ZNF208: variants seen among roughly 807,000 people sequenced by gnomAD.
ZNF208 encodes zinc finger protein 208, also known as zinc finger protein 95.
ZNF208 carries 10 observed loss-of-function variants against 12.1 expected under a neutral mutation model. The observed-to-expected ratio is 0.83, with a 90% CI of 0.51 to 1.40. The LOEUF (loss-of-function observed/expected upper bound fraction) is 1.40, where lower values mean the gene tolerates loss of function less well. ZNF208 is among the 40% of genes most tolerant of loss of function. The probability of loss-of-function intolerance (pLI) is 0.00; values close to 1 mark genes in which losing one functional copy is unlikely to be tolerated. For synonymous variants in ZNF208, 497 were observed against 488.4 expected, an observed-to-expected ratio of 1.02 and a Z score of -0.23; for missense variants, 1,652 against 1,485.0, an observed-to-expected ratio of 1.11 and a Z score of -1.85.
At chr19:21,987,180 C>T (rs1267361630) in intron 3 of ZNF208, 36 bp downstream of exon 3, 2 of 1,590,088 alleles carry the variant, frequency 1.3e-6, no homozygotes, top group African/African-American at 1.4e-5. Flanking sequence ...GACTTTCGAC[C>T]TCTCATCCAT....
At chr19:21,991,499 G>C (rs1356695237) in intron 1 of ZNF208, 1 of 151,870 alleles carries the variant, frequency 6.6e-6, no homozygotes, top group African/African-American at 2.4e-5. Flanking sequence ...CTAGCACTTT[G>C]GGAGGCTGAG....
chr19:22,000,896 C>A (rs1970933547), intron 1 of ZNF208, among the ~76,000 whole-genome samples: 1 of 152,126 alleles, frequency 6.6e-6, no homozygotes, highest in Non-Finnish European at 1.5e-5. Flanking sequence ...ATACTGAAGT[C>A]TGCTATGCAT....
intron 4 of ZNF208, chr19:21,941,476 C>T: frequency 2.5e-6 from 1 of 398,504 alleles, no homozygotes; most frequent in Non-Finnish European, 4.4e-6. Flanking sequence ...ACAACTGCAC[C>T]ATTTCCTGTT....
rs1264013760 is a variant in ZNF208 at position 21,966,965 on chromosome 19, C to T, written c.*4226G>A. ...TATTAAATGTATTATAGATTCTGTA[C>T]ATTAATCCTTCATTGTCTGCAGTTT... On this transcript the variant is annotated 3_prime_UTR_variant, in exon 4 of 4. Transcript: ENST00000397126. 2.0e-5 allele frequency: 3 copies of T among 152,098 alleles called. No homozygotes were observed. Among genetic ancestry groups the T allele is most frequent in the African/African-American group, 4.8e-5 (2 of 41,418 alleles). The allele number at this position is 152,098 out of a possible 1,614,324, so 9.4% of individuals were successfully genotyped here.
chr19:21,971,737 G>C lies in ZNF208; in HGVS notation c.3297C>G (p.Asn1099Lys), dbSNP rs1263049600. Reference protein sequence around the residue: ...ECGKAFNWSSNLMEHKRIHTG... With the variant: ...ECGKAFNWSSKLMEHKRIHTG... ...TATGAATTCTCTTATGTTCCATAAG[G>C]TTTGAGGACCAGTTGAAAGCTTTGC... Residue 1099 changes from asparagine (N) to lysine (K), a missense_variant, in exon 4 of 4, where the codon AAC (asparagine) becomes AAG (lysine). By Grantham distance (94) the Asn-to-Lys change is moderately conservative. Transcript: ENST00000397126. 6.2e-7 allele frequency: 1 copy of C among 1,613,680 alleles called. No individual in the cohort carries two copies. Among genetic ancestry groups the C allele is most frequent in the African/African-American group, 1.3e-5 (1 of 74,868 alleles).
At chr19:21,985,439 A>C (rs1246892535) in intron 3 of ZNF208, among the ~76,000 whole-genome samples, 1 of 152,212 alleles carries the variant, frequency 6.6e-6, no homozygotes, top group Non-Finnish European at 1.5e-5. Context: ...GAGAGCTTTG[A>C]GATCCAGGGA....
chr19:22,005,886 AG>A (rs1971035654), intron 1 of ZNF208, among the ~76,000 whole-genome samples: 2 of 152,186 alleles, frequency 1.3e-5, no homozygotes, highest in South Asian at 2.1e-4. Flanking sequence ...TGTGTTCTCC[AG>A]GAACACTTAT....
At chr19:21,975,823 C>CAAAAAAA (rs532995268) in intron 3 of ZNF208, among the ~76,000 whole-genome samples, 7 of 26,432 alleles carry the variant, frequency 2.6e-4, no homozygotes, top group East Asian at 1.9e-3. Flanking sequence ...AGTCAAAGTC[C>CAAAAAAA]AAAAAAAAAA....
chr19:21,983,062 C>T (rs1428508380), intron 3 of ZNF208, among the ~76,000 whole-genome samples: 2 of 152,090 alleles, frequency 1.3e-5, no homozygotes, highest in Non-Finnish European at 2.9e-5. Flanking sequence ...AAACTATCAT[C>T]AGAGTGAACA....
intron 1 of ZNF208, among the ~76,000 whole-genome samples, chr19:22,010,443 G>T (rs376715077): frequency 1.5e-3 from 232 of 152,272 alleles, no homozygotes; most frequent in African/African-American, 5.4e-3. Flanking sequence ...ACGGACCAAA[G>T]CTCTTCCCAT....
At position 21,969,725 on chromosome 19, in the gene ZNF208, G is replaced by A. The variant is rs2359810; in HGVS notation, c.*1466C>T. On this transcript the variant is annotated 3_prime_UTR_variant, in exon 4 of 4. Coordinates refer to ENST00000397126, the MANE Select transcript of ZNF208 (RefSeq NM_007153.3). Reference sequence around the variant, plus strand: ...GTGTACAATAAAATCTGTGATACAAGTACATGTACTACAACCCTCTTAATA... The same window carrying A: ...GTGTACAATAAAATCTGTGATACAAATACATGTACTACAACCCTCTTAATA... Among the ~76,000 whole-genome samples, 88,813 of 151,866 alleles carry A rather than the reference G, an allele frequency of 0.58. 26,228 individuals are homozygous for A. Among genetic ancestry groups the A allele is most frequent in the East Asian group, 0.69 (3,566 of 5,154 alleles).
At chr19:22,008,164 G>A (rs1398497411) in intron 1 of ZNF208, among the ~76,000 whole-genome samples, 6 of 151,556 alleles carry the variant, frequency 4.0e-5, no homozygotes, top group East Asian at 3.9e-4. Context: ...TTAGCCGGGT[G>A]TGGTGGTGCA....
intron 4 of ZNF208, among the ~76,000 whole-genome samples, chr19:21,953,766 T>C (rs560519286): frequency 1.8e-3 from 275 of 151,702 alleles, no homozygotes; most frequent in Non-Finnish European, 2.8e-3. Flanking sequence ...GCAATTTTGT[T>C]GATCTTTTCA....
intron 3 of ZNF208, among the ~76,000 whole-genome samples, chr19:21,985,199 T>C (rs1568450084): frequency 6.6e-6 from 1 of 152,116 alleles, no homozygotes; most frequent in African/African-American, 2.4e-5. Flanking sequence ...TTTAAACTCT[T>C]AGAAACAGAT....
At chr19:22,000,186 A>C (rs1970919066) in intron 1 of ZNF208, among the ~76,000 whole-genome samples, 1 of 152,210 alleles carries the variant, frequency 6.6e-6, no homozygotes, top group South Asian at 2.1e-4. Flanking sequence ...TACGACTTGA[A>C]CTCAACACTT....
chr19:21,956,141 G>T (rs1568435793), intron 4 of ZNF208, among the ~76,000 whole-genome samples: 2 of 152,216 alleles, frequency 1.3e-5, no homozygotes, highest in Non-Finnish European at 2.9e-5. Context: ...AGCGGAGGCT[G>T]CAGAACAGCA....
At position 21,990,917 on chromosome 19, in the gene ZNF208, G is replaced by GGT. The variant is rs556544405; in HGVS notation, c.4-2010_4-2009dup. On this transcript the variant is annotated intron_variant, in intron 1 of 3. Coordinates refer to ENST00000397126, the MANE Select transcript of ZNF208 (RefSeq NM_007153.3). ...TTTGGCTCTCTGTTTGTCTGTTATT[G>GGT]GTGTATAAGAATGCTTGTGATTTTT... Among the ~76,000 whole-genome samples the GGT allele has an allele frequency of 1.1e-4, 16 of 152,198 alleles. 1 individual carries two copies. In the South Asian group the frequency reaches 3.1e-3, roughly 30 times the overall value.
intron 4 of ZNF208, among the ~76,000 whole-genome samples, chr19:21,950,066 T>A (rs2666447): frequency 0.78 from 118,562 of 152,190 alleles, 46,921 homozygotes; most frequent in African/African-American, 0.92. Flanking sequence ...TGGTAAAAGA[T>A]ATAAGAAGAA....
In ZNF208 at chr19:21,970,578, G is replaced by A. The variant is rs1172649599; in HGVS notation, c.*613C>T. 5 of 773,050 alleles carry A rather than the reference G, an allele frequency of 6.5e-6. No homozygotes were observed. The highest frequency in any genetic ancestry group is 1.1e-5 in the Non-Finnish European group (5 of 470,504). The allele number at this position is 773,050 out of a possible 1,614,324, so 47.9% of individuals were successfully genotyped here. On this transcript the variant is annotated 3_prime_UTR_variant, in exon 4 of 4. Transcript: ENST00000397126. ...GAGTAGTAAGGTGTGAGGACCAGTT[G>A]AAGTCTTTATCACATTCTTCACATT...
Sources: gnomAD v4.1 joint callset for allele counts (sites outside exome capture counted in the v4.1 genomes callset) on GRCh38, gnomAD v4.1.1 for gene constraint, MANE v1.5 for transcripts, NCBI Gene and HGNC (gene_info 2026-07-23, HGNC 2026-07-21) for gene names.